Variants in BCR observed in about 807,000 individuals in gnomAD.
BCR encodes breakpoint cluster region protein.
Under a neutral mutation model 138.6 loss-of-function variants are expected in BCR, and 58 were observed. The observed-to-expected ratio is 0.42, with a 90% confidence interval of 0.34 to 0.52. The LOEUF (loss-of-function observed/expected upper bound fraction) is 0.52, where lower values mean the gene tolerates loss of function less well. Ranked by LOEUF, BCR falls within the 20% of genes least tolerant of loss-of-function variation. The pLI, the probability that BCR is intolerant of heterozygous loss-of-function variation, is 0.06. For synonymous variants in BCR, 786 were observed against 730.1 expected, an observed-to-expected ratio of 1.08 and a Z score of -1.23; for missense variants, 1,599 against 1,727.2, an observed-to-expected ratio of 0.93 and a Z score of 1.32.
At chr22:23,257,520 C>T (rs1412847848) in intron 2 of BCR, among the ~76,000 whole-genome samples, 1 of 152,238 alleles carries the variant, frequency 6.6e-6, no homozygotes, top group African/African-American at 2.4e-5. Flanking sequence ...AGAACATGAG[C>T]ACGGCTGGCA....
intron 5 of BCR, among the ~76,000 whole-genome samples, chr22:23,270,852 C>G (rs2073501897): frequency 6.6e-6 from 1 of 152,242 alleles, no homozygotes; most frequent in Admixed American, 6.5e-5. Context: ...ACAGCCTAGG[C>G]TATTCACTTA....
chr22:23,253,964 T>C lies in BCR; in HGVS notation c.1445T>C (p.Leu482Pro), dbSNP rs765633104. Reference protein sequence around the residue: ...GSRDALVSGALESTKASELDL... With the variant: ...GSRDALVSGAPESTKASELDL... ...CGGGATGCGCTGGTCTCGGGAGCCC[T>C]GGAGTCCACTAAAGCGGTGAGTCCC... The change falls in exon 2 of 23, where the codon CTG becomes CCG. Residue 482 changes from leucine to proline, a missense_variant. Leu to Pro is a moderately conservative substitution (Grantham distance 98). Coordinates refer to ENST00000305877, the MANE Select transcript of BCR (RefSeq NM_004327.4). 24 of 1,612,190 alleles carry C rather than the reference T, an allele frequency of 1.5e-5. No homozygotes were observed. Among genetic ancestry groups the C allele is most frequent in the Non-Finnish European group, 2.0e-5 (24 of 1,179,642 alleles).
rs1045970491 is a variant in BCR, at chr22:23,241,287, C to T, written c.1280-12512C>T. On this transcript the variant is annotated intron_variant, in intron 1 of 22. Coordinates refer to ENST00000305877, the MANE Select transcript of BCR (RefSeq NM_004327.4). Reference sequence around the variant, plus strand: ...CGTGGCTGGGCCCTGGCCCCGGGCTCAGGGTGGTGACCGCCAGCAGGGGGA... The same window carrying T: ...CGTGGCTGGGCCCTGGCCCCGGGCTTAGGGTGGTGACCGCCAGCAGGGGGA... Among the ~76,000 whole-genome samples, 4 of 152,338 alleles carry T rather than the reference C, an allele frequency of 2.6e-5. No homozygotes were observed. In the South Asian group the frequency reaches 6.2e-4, roughly 24 times the overall value.
intron 16 of BCR, among the ~76,000 whole-genome samples, chr22:23,299,470 G>C (rs2073881104): frequency 6.6e-6 from 1 of 151,974 alleles, no homozygotes; most frequent in Non-Finnish European, 1.5e-5. Context: ...GATTCTCGAT[G>C]CCTTCGTGGC....
intron 4 of BCR, chr22:23,263,402 C>G: frequency 8.0e-7 from 1 of 1,253,504 alleles, no homozygotes; most frequent in Non-Finnish European, 1.2e-6. Context: ...TGACCAGTGT[C>G]CCAGTGAAGG....
chr22:23,200,907 G>A (rs768516320), intron 1 of BCR, among the ~76,000 whole-genome samples: 29 of 152,204 alleles, frequency 1.9e-4, no homozygotes, highest in Non-Finnish European at 3.8e-4. Flanking sequence ...TGGAAAAAAG[G>A]TTGGGGATGT....
chr22:23,284,052 T>C lies in BCR; in HGVS notation c.2191T>C (p.Phe731Leu). The change falls in exon 9 of 23, where the codon TTC becomes CTC. Residue 731 changes from phenylalanine (F) to leucine (L), a missense_variant. By Grantham distance (22) the Phe-to-Leu change is conservative. Around this residue, in one of 4 missense-constraint regions of BCR, gnomAD observed 590 missense variants for 762.4 expected, o/e 0.77. Transcript: ENST00000305877. ...CCGCAAGCTGCGCCACGTCTTCCTG[T>C]TCACCGACCTGCTTCTCTGCACCAA... The part of the protein sequence containing the change: ...GARKLRHVFL[F>L]TDLLLCTKLK... 1 of 1,610,380 alleles carries C rather than the reference T, an allele frequency of 6.2e-7. No individual in the cohort carries two copies. Among genetic ancestry groups the C allele is most frequent in the East Asian group, 2.2e-5 (1 of 44,738 alleles).
intron 8 of BCR, among the ~76,000 whole-genome samples, chr22:23,275,608 G>A (rs1005260477): frequency 6.6e-6 from 1 of 152,206 alleles, no homozygotes. Context: ...AGCAACAACC[G>A]GGCCCTGCCC....
chr22:23,229,473 C>G (rs1434499806), intron 1 of BCR, among the ~76,000 whole-genome samples: 15 of 151,998 alleles, frequency 9.9e-5, no homozygotes, highest in Admixed American at 9.8e-4. Context: ...TTTAAATGTT[C>G]TGAAAATGTT....
intron 2 of BCR, 137 bp downstream of exon 2, chr22:23,254,117 T>C: frequency 8.3e-6 from 8 of 962,540 alleles, no homozygotes; most frequent in Non-Finnish European, 1.2e-5. Flanking sequence ...CAAAAACTCC[T>C]TCCTCATCTC....
chr22:23,211,433 C>T (rs922910765), intron 1 of BCR, among the ~76,000 whole-genome samples: 5 of 151,918 alleles, frequency 3.3e-5, no homozygotes, highest in African/African-American at 4.8e-5. Flanking sequence ...TTCCTGACCT[C>T]GTGATCCGCC....
Position 23,181,513 on chromosome 22 carries a change from G to A in BCR, c.553G>A (p.Glu185Lys), listed in dbSNP as rs749985439. The part of the protein sequence containing the change: ...PFYVNVEFHH[E>K]RGLVKVNDKE... ...CTACGTGAACGTCGAGTTTCACCAC[G>A]AGCGCGGCCTGGTGAAGGTCAACGA... is the stretch of plus-strand genomic sequence containing the variant. The change falls in exon 1 of 23, where the codon GAG becomes AAG. Residue 185 changes from glutamate to lysine, a missense_variant. By Grantham distance (56) the Glu-to-Lys change is moderately conservative. This residue lies in a region of BCR where 806 missense variants were observed against 635.0 expected (regional missense o/e 1.27). Coordinates refer to ENST00000305877, the MANE Select transcript of BCR (RefSeq NM_004327.4). 9.3e-6 allele frequency: 15 copies of A among 1,612,470 alleles called. No homozygotes were observed. The highest frequency in any genetic ancestry group is 1.2e-5 in the Non-Finnish European group (14 of 1,179,674).
chr22:23,181,524 G>A lies in BCR; in HGVS notation c.564G>A (p.Leu188=), dbSNP rs781405173. 67 of 1,612,800 alleles carry A rather than the reference G, an allele frequency of 4.2e-5. No individual in the cohort carries two copies. Among genetic ancestry groups the A allele is most frequent in the Non-Finnish European group, 5.2e-5 (61 of 1,179,922 alleles). The change falls in exon 1 of 23, where the codon CTG becomes CTA. Residue 188 remains leucine, a synonymous_variant. Coordinates refer to ENST00000305877, the MANE Select transcript of BCR (RefSeq NM_004327.4). The part of the protein sequence containing the change: ...VNVEFHHERG[L]VKVNDKEVSD... ...TCGAGTTTCACCACGAGCGCGGCCT[G>A]GTGAAGGTCAACGACAAAGAGGTGT...
In BCR at chr22:23,311,755, C is replaced by T. The variant is rs766735804; in HGVS notation, c.3241C>T (p.Arg1081Ter). The change falls in exon 19 of 23, where the codon CGA (arginine) becomes TGA (stop). Residue 1081 changes from arginine (R) to a stop codon, truncating the protein, a stop_gained. Transcript: ENST00000305877. LOFTEE classifies it high-confidence loss of function. Reference protein sequence around the residue: ...VRQCVEEIERRGMEEVGIYRV... With the variant: ...VRQCVEEIER ...CCAGTGCGTGGAGGAGATCGAGCGC[C>T]GAGGCATGGAGGAGGTGGGCATCTA... The T allele has an allele frequency of 3.7e-6, 6 of 1,611,530 alleles. No individual in the cohort carries two copies. The highest frequency in any genetic ancestry group is 5.1e-6 in the Non-Finnish European group (6 of 1,179,808).
intron 1 of BCR, among the ~76,000 whole-genome samples, chr22:23,236,976 C>T (rs971067361): frequency 1.3e-5 from 2 of 152,206 alleles, no homozygotes; most frequent in African/African-American, 4.8e-5. Context: ...AGCTGTTATT[C>T]TTCCACCTGA....
intron 8 of BCR, 134 bp downstream of exon 8, chr22:23,273,908 G>T (rs769481658): frequency 1.6e-6 from 2 of 1,268,502 alleles, no homozygotes; most frequent in African/African-American, 1.5e-5. Context: ...GAGATTGGCC[G>T]CACACTCAGT....
rs76283738 is a variant in BCR at position 23,304,401 on chromosome 22, G to A, written c.3013-5023G>A. On this transcript the variant is annotated intron_variant, in intron 16 of 22. Coordinates refer to ENST00000305877, the MANE Select transcript of BCR (RefSeq NM_004327.4). The stretch of plus-strand genomic sequence containing the variant: ...TTATGTTTTTGAGGTTTATTCATGT[G>A]GTAGCATTGTTTGGTTCCTTTTTAT... Among the ~76,000 whole-genome samples the A allele has an allele frequency of 1.8e-3, 275 of 152,120 alleles. 4 individuals are homozygous for A. The highest frequency in any genetic ancestry group is 6.2e-3 in the African/African-American group (259 of 41,478).
chr22:23,310,326 C>G lies in BCR; in HGVS notation c.3075C>G (p.Ile1025Met), dbSNP rs771658233. The change falls in exon 18 of 23, where the codon ATC (isoleucine) becomes ATG (methionine). Residue 1025 changes from isoleucine (I) to methionine (M), a missense_variant and splice_region_variant. By Grantham distance (10) the Ile-to-Met change is conservative. Transcript: ENST00000305877. ...WQRTVIAMNG[I>M]EVKLSVKFNS... ...TGTGCCCCTTCTCCCTACTGTAGATCGAAGTAAAGCTCTCGGTCAAGTTCA... is the reference window on the plus strand; with the variant it reads ...TGTGCCCCTTCTCCCTACTGTAGATGGAAGTAAAGCTCTCGGTCAAGTTCA... 12 of 1,337,322 alleles carry G rather than the reference C, an allele frequency of 9.0e-6. 1 individual carries two copies. In the Admixed American group the frequency reaches 1.7e-4, roughly 19 times the overall value. 82.8% of individuals were successfully genotyped at this position (1,337,322 alleles called of 1,614,324 possible).
At chr22:23,184,025 A>T (rs1012134442) in intron 1 of BCR, among the ~76,000 whole-genome samples, 1 of 152,156 alleles carries the variant, frequency 6.6e-6, no homozygotes, top group African/African-American at 2.4e-5. Flanking sequence ...TCTTCTCCGA[A>T]TGTCCTCAAG....
Sources: allele counts gnomAD v4.1 joint callset (sites outside exome capture counted in the v4.1 genomes callset), GRCh38; gene constraint gnomAD v4.1.1; regional missense constraint gnomAD v4.1.1; transcripts MANE v1.5; gene names NCBI Gene and HGNC (gene_info 2026-07-23, HGNC 2026-07-21).